The following UBAP1 variants were observed in gnomAD, a reference collection of about 807,000 sequenced individuals.
The protein encoded by UBAP1 is ubiquitin associated protein 1.
A neutral mutation model predicts 39.0 loss-of-function variants in UBAP1; 5 were observed. The ratio of observed to expected loss-of-function variants is 0.13; its 90% CI spans 0.07 to 0.27. The LOEUF is 0.27. Ranked by LOEUF, UBAP1 falls within the 10% of genes least tolerant of loss-of-function variation. The pLI, the probability that UBAP1 is intolerant of heterozygous loss-of-function variation, is 1.00. For missense variants in UBAP1, 490 were observed against 608.1 expected (o/e 0.81, Z 2.04); for synonymous variants, 211 against 225.1 (o/e 0.94, Z 0.56).
At position 34,234,210 on chromosome 9, in the gene UBAP1, T is replaced by C. The variant is rs1341494319; in HGVS notation, c.35-6T>C. On this transcript the variant is annotated splice_region_variant and splice_polypyrimidine_tract_variant and intron_variant, in intron 2 of 6. Transcript: ENST00000297661. ...CTGATATTTTCTACTTTATTTTTGA[T>C]TATAGGGACTTTCAGTTACCTTGAT... 6.3e-7 allele frequency: 1 copy of C among 1,592,144 alleles called. No individual in the cohort carries two copies. The highest frequency in any genetic ancestry group is 8.5e-7 in the Non-Finnish European group (1 of 1,174,562).
chr9:34,232,819 G>A (rs1053170211), intron 2 of UBAP1, among the ~76,000 whole-genome samples: 1 of 152,224 alleles, frequency 6.6e-6, no homozygotes, highest in Non-Finnish European at 1.5e-5. Context: ...TCCTTTACCA[G>A]CTGCCAATGT....
intron 1 of UBAP1, among the ~76,000 whole-genome samples, chr9:34,212,392 A>AACACACACACACACAC (rs35251034): frequency 0.013 from 1,859 of 142,204 alleles, 26 homozygotes; most frequent in East Asian, 0.074. Context: ...TTTCTATTAA[A>AACACACACACACACAC]ACACACACAC....
At chr9:34,195,938 T>TG (rs1435054008) in intron 1 of UBAP1, among the ~76,000 whole-genome samples, 5 of 91,368 alleles carry the variant, frequency 5.5e-5, no homozygotes, top group African/African-American at 2.0e-4. Context: ...TTTTTTTTTT[T>TG]TTTTTTTTTT....
At chr9:34,226,123 G>GTGTGTGTGTGTGTGTGTGTGTGTGTT (rs1833063023) in intron 2 of UBAP1, among the ~76,000 whole-genome samples, 3 of 104,662 alleles carry the variant, frequency 2.9e-5, no homozygotes, top group East Asian at 4.1e-4. Flanking sequence ...GTGTGTGTGT[G>GTGTGTGTGTGTGTGTGTGTGTGTGTT]TGTGTGTGTG....
chr9:34,183,359 C>T (rs761762561), intron 1 of UBAP1, among the ~76,000 whole-genome samples: 3 of 151,356 alleles, frequency 2.0e-5, no homozygotes, highest in East Asian at 2.0e-4. Context: ...CTGGCTAACA[C>T]GGTGAAATCC....
At chr9:34,228,568 T>G (rs1833230728) in intron 2 of UBAP1, among the ~76,000 whole-genome samples, 1 of 95,474 alleles carries the variant, frequency 1.0e-5, no homozygotes, top group South Asian at 4.1e-4. Flanking sequence ...CTTTCTTTGT[T>G]TCCCCCCCCC....
At chr9:34,179,264 G>A in intron 1 of UBAP1, 24 bp downstream of exon 1, 1 of 1,153,124 alleles carries the variant, frequency 8.7e-7, no homozygotes, top group Non-Finnish European at 1.1e-6. Flanking sequence ...CCCTCTGGGG[G>A]AGGGGGAAGA....
intron 1 of UBAP1, among the ~76,000 whole-genome samples, chr9:34,184,528 G>T (rs1830273397): frequency 6.6e-6 from 1 of 150,862 alleles, no homozygotes; most frequent in South Asian, 2.1e-4. Flanking sequence ...CTACTCGGGA[G>T]GCTGAGGCAG....
chr9:34,230,596 C>T (rs1186356948), intron 2 of UBAP1, among the ~76,000 whole-genome samples: 1 of 152,106 alleles, frequency 6.6e-6, no homozygotes, highest in African/African-American at 2.4e-5. Flanking sequence ...GACAAAAATT[C>T]TTTAAAATTA....
Position 34,179,199 on chromosome 9 carries a change from G to A in UBAP1, c.-49G>A, listed in dbSNP as rs1464066029. The A allele has an allele frequency of 2.4e-6, 3 of 1,233,396 alleles. No homozygotes were observed. Among genetic ancestry groups the A allele is most frequent in the East Asian group, 6.3e-5 (2 of 31,524 alleles). The allele number at this position is 1,233,396 out of a possible 1,614,324, so 76.4% of individuals were successfully genotyped here. On this transcript the variant is annotated 5_prime_UTR_variant, in exon 1 of 7. Coordinates refer to ENST00000297661, the MANE Select transcript of UBAP1 (RefSeq NM_016525.5). ...GAGCCTGGGAGGCCGGCCGGTGCCA[G>A]CACCTTTCGGCTTCTGAGACGGCGG...
chr9:34,243,059 T>G lies in UBAP1; in HGVS notation c.1083+951T>G, dbSNP rs538491253. On this transcript the variant is annotated intron_variant, in intron 4 of 6. Coordinates refer to ENST00000297661, the MANE Select transcript of UBAP1 (RefSeq NM_016525.5). ...GCTCATAGCTGCTTGTAAACTTCCA[T>G]AAACCTTGGCCCGGGTAAACTTGAT... 1.8e-4 allele frequency among the ~76,000 whole-genome samples: 28 copies of G among 152,244 alleles called. 1 individual carries two copies. The highest frequency in any genetic ancestry group is 6.7e-4 in the African/African-American group (28 of 41,554).
intron 1 of UBAP1, among the ~76,000 whole-genome samples, chr9:34,193,908 A>G (rs1051549512): frequency 2.6e-5 from 4 of 152,074 alleles, no homozygotes; most frequent in East Asian, 1.9e-4. Flanking sequence ...AAGACCCACA[A>G]TCAGAAAGGT....
At chr9:34,222,551 T>C (rs1029379736) in intron 2 of UBAP1, among the ~76,000 whole-genome samples, 2 of 151,582 alleles carry the variant, frequency 1.3e-5, no homozygotes, top group Non-Finnish European at 2.9e-5. Flanking sequence ...CAACAGTAGA[T>C]TAGGAGGTTG....
intron 1 of UBAP1, among the ~76,000 whole-genome samples, chr9:34,217,399 G>A (rs187617199): frequency 7.7e-4 from 117 of 152,152 alleles, no homozygotes; most frequent in African/African-American, 2.7e-3. Flanking sequence ...ACCATGCCCG[G>A]CTAATTTTTG....
intron 2 of UBAP1, among the ~76,000 whole-genome samples, chr9:34,233,865 T>TGTTTGA (rs1554652142): frequency 2.6e-5 from 4 of 151,500 alleles, no homozygotes; most frequent in Non-Finnish European, 5.9e-5. Context: ...TGGTACAGAG[T>TGTTTGA]ATTTGAGGTG....
At chr9:34,230,800 G>A (rs1378951408) in intron 2 of UBAP1, among the ~76,000 whole-genome samples, 1 of 152,124 alleles carries the variant, frequency 6.6e-6, no homozygotes, top group East Asian at 1.9e-4. Context: ...ACATATGCTT[G>A]TATCATGTAT....
At chr9:34,209,340 T>C (rs1831893471) in intron 1 of UBAP1, among the ~76,000 whole-genome samples, 1 of 152,208 alleles carries the variant, frequency 6.6e-6, no homozygotes, top group Non-Finnish European at 1.5e-5. Context: ...TTTTAAAAAG[T>C]GTGTCCTGCT....
intron 1 of UBAP1, among the ~76,000 whole-genome samples, chr9:34,204,291 G>GACA (rs966439845): frequency 6.6e-6 from 1 of 152,080 alleles, no homozygotes; most frequent in Non-Finnish European, 1.5e-5. Flanking sequence ...TCTGTCTCAA[G>GACA]ACAACAACAA....
At chr9:34,230,506 CTT>C (rs1278797861) in intron 2 of UBAP1, among the ~76,000 whole-genome samples, 1 of 152,148 alleles carries the variant, frequency 6.6e-6, no homozygotes, top group Non-Finnish European at 1.5e-5. Context: ...AAAGTTTCAG[CTT>C]TGTTTCCAGT....
Sources: allele counts gnomAD v4.1 joint callset (sites outside exome capture counted in the v4.1 genomes callset), GRCh38; gene constraint gnomAD v4.1.1; transcripts MANE v1.5; gene names NCBI Gene and HGNC (gene_info 2026-07-23, HGNC 2026-07-21).